Variants in GPR149 observed in about 807,000 individuals in gnomAD.
GPR149 encodes G protein-coupled receptor 149.
GPR149 carries 50 observed loss-of-function variants against 50.2 expected under a neutral mutation model. The observed-to-expected ratio is 1.00, with a 90% CI of 0.79 to 1.26. The LOEUF (loss-of-function observed/expected upper bound fraction) is 1.26. Among genes scored for constraint, GPR149 ranks in the 50% most tolerant of loss-of-function variants. The pLI, the probability that GPR149 is intolerant of heterozygous loss-of-function variation, is 0.00. For missense variants in GPR149, 983 were observed against 895.4 expected (o/e 1.10, Z -1.25); for synonymous variants, 405 against 358.2 (o/e 1.13, Z -1.48).
At chr3:154,348,022 A>G (rs768449743) in intron 3 of GPR149, among the ~76,000 whole-genome samples, 23 of 152,204 alleles carry the variant, frequency 1.5e-4, no homozygotes, top group Non-Finnish European at 3.1e-4. Context: ...CAGTTGTCTC[A>G]CTTGCAAAAT....
chr3:154,374,768 T>A (rs984992402), intron 3 of GPR149, among the ~76,000 whole-genome samples: 2 of 152,172 alleles, frequency 1.3e-5, no homozygotes, highest in Non-Finnish European at 2.9e-5. Flanking sequence ...CTGGCTTGCC[T>A]TATGCTTTTC....
At chr3:154,405,334 A>G (rs934279833) in intron 3 of GPR149, among the ~76,000 whole-genome samples, 4 of 152,136 alleles carry the variant, frequency 2.6e-5, no homozygotes, top group African/African-American at 9.7e-5. Context: ...CACGCAGGTA[A>G]TCCCAGCACT....
At chr3:154,362,226 C>T (rs789379) in intron 3 of GPR149, among the ~76,000 whole-genome samples, 134,845 of 148,910 alleles carry the variant, frequency 0.91, 61,271 homozygotes, top group East Asian at 1. Flanking sequence ...GAGGCGGAGC[C>T]TGCAGTGAGC....
chr3:154,369,879 G>T (rs2108400185), intron 3 of GPR149, among the ~76,000 whole-genome samples: 1 of 152,314 alleles, frequency 6.6e-6, no homozygotes, highest in South Asian at 2.1e-4. Flanking sequence ...GGGATCTGTG[G>T]TACTTTAGCC....
chr3:154,349,524 T>C (rs572804660), intron 3 of GPR149, among the ~76,000 whole-genome samples: 1 of 152,336 alleles, frequency 6.6e-6, no homozygotes, highest in East Asian at 1.9e-4. Flanking sequence ...TAAAACAAAC[T>C]ACTACAATGT....
chr3:154,356,109 A>G (rs1714217929), intron 3 of GPR149, among the ~76,000 whole-genome samples: 1 of 152,220 alleles, frequency 6.6e-6, no homozygotes, highest in East Asian at 1.9e-4. Context: ...GTGTGATGAA[A>G]TGTTCTAAAA....
chr3:154,407,587 T>C (rs987321564), intron 3 of GPR149, among the ~76,000 whole-genome samples: 14 of 151,750 alleles, frequency 9.2e-5, no homozygotes, highest in Non-Finnish European at 1.8e-4. Flanking sequence ...GGTATCAGTA[T>C]AAACTTGTTT....
intron 3 of GPR149, among the ~76,000 whole-genome samples, chr3:154,383,877 T>C (rs1268834469): frequency 1.3e-5 from 2 of 152,034 alleles, no homozygotes; most frequent in Non-Finnish European, 2.9e-5. Context: ...TTCTCTACCA[T>C]GCGACGACAC....
At chr3:154,352,661 C>T in intron 3 of GPR149, 1 of 779,332 alleles carries the variant, frequency 1.3e-6, no homozygotes, top group East Asian at 2.4e-5. Flanking sequence ...GCCAATGCAT[C>T]CACTGCCCCT....
chr3:154,413,858 G>A (rs1288507577), intron 3 of GPR149, among the ~76,000 whole-genome samples: 1 of 151,736 alleles, frequency 6.6e-6, no homozygotes, highest in African/African-American at 2.4e-5. Context: ...GCACATGCAT[G>A]TTTATCACAG....
At chr3:154,368,305 A>G (rs1449824483) in intron 3 of GPR149, among the ~76,000 whole-genome samples, 1 of 152,158 alleles carries the variant, frequency 6.6e-6, no homozygotes, top group African/African-American at 2.4e-5. Flanking sequence ...AAGATTCCCT[A>G]TTTAGAAGTC....
At chr3:154,417,877 T>G (rs1461084753) in intron 3 of GPR149, among the ~76,000 whole-genome samples, 1 of 152,138 alleles carries the variant, frequency 6.6e-6, no homozygotes, top group Non-Finnish European at 1.5e-5. Flanking sequence ...CAGTCCTAAA[T>G]GTGTTTTTGC....
intron 3 of GPR149, among the ~76,000 whole-genome samples, chr3:154,383,462 C>T (rs1169828489): frequency 1.3e-5 from 2 of 152,084 alleles, no homozygotes; most frequent in Admixed American, 1.3e-4. Flanking sequence ...TTGTGCGAGT[C>T]CTTCACAGTG....
chr3:154,367,196 C>T (rs1003248441), intron 3 of GPR149, among the ~76,000 whole-genome samples: 2 of 152,070 alleles, frequency 1.3e-5, no homozygotes, highest in Non-Finnish European at 2.9e-5. Context: ...TTATTTTGGT[C>T]TTGGATGAAT....
At chr3:154,398,815 C>A (rs576616060) in intron 3 of GPR149, among the ~76,000 whole-genome samples, 1 of 152,050 alleles carries the variant, frequency 6.6e-6, no homozygotes, top group African/African-American at 2.4e-5. Flanking sequence ...TGATTATTAC[C>A]CCTTGATGAC....
At chr3:154,357,177 T>C (rs1205666230) in intron 3 of GPR149, among the ~76,000 whole-genome samples, 1 of 152,066 alleles carries the variant, frequency 6.6e-6, no homozygotes, top group East Asian at 1.9e-4. Flanking sequence ...ATACAAAAAT[T>C]AATTCAAGAT....
At chr3:154,419,305 T>C (rs866174105) in intron 3 of GPR149, among the ~76,000 whole-genome samples, 29 of 152,244 alleles carry the variant, frequency 1.9e-4, no homozygotes, top group Admixed American at 6.5e-4. Flanking sequence ...AATGTACTTA[T>C]GTGCAAGCAG....
Position 154,337,924 on chromosome 3 carries a change from T to C in GPR149, c.1971A>G (p.Lys657=), listed in dbSNP as rs1191234595. Residue 657 remains lysine (K), a synonymous_variant, in exon 4 of 4, where the codon AAA becomes AAG. Transcript: ENST00000389740. ...GGTCACATGAAACAAATCTGTTTTC[T>C]TTCCTGGAGTAACGTAGGGATGGAG... ...VRSPSLRYSR[K]ENRFVSCDLG... 1.2e-5 allele frequency: 19 copies of C among 1,612,976 alleles called. No homozygotes were observed. Among genetic ancestry groups the C allele is most frequent in the Non-Finnish European group, 1.5e-5 (18 of 1,179,342 alleles).
At chr3:154,370,004 G>T (rs537595195) in intron 3 of GPR149, among the ~76,000 whole-genome samples, 2 of 152,288 alleles carry the variant, frequency 1.3e-5, no homozygotes, top group African/African-American at 4.8e-5. Context: ...GATTGGAGCC[G>T]CAGGCATTTG....
Sources: gnomAD v4.1 joint callset for allele counts (sites outside exome capture counted in the v4.1 genomes callset) on GRCh38, gnomAD v4.1.1 for gene constraint, MANE v1.5 for transcripts, NCBI Gene and HGNC (gene_info 2026-07-23, HGNC 2026-07-21) for gene names.